PAM: variants seen among roughly 807,000 people sequenced by gnomAD.
PAM encodes the protein peptidylglycine alpha-amidating monooxygenase, also known as peptidyl-glycine alpha-amidating monooxygenase.
A neutral mutation model predicts 122.1 loss-of-function variants in PAM; 72 were observed. The observed-to-expected ratio is 0.59, with a 90% CI of 0.49 to 0.72. The LOEUF (loss-of-function observed/expected upper bound fraction) is 0.72, where lower values mean the gene tolerates loss of function less well. PAM is among the 30% of genes least tolerant of loss of function. The pLI is 0.00. For missense variants in PAM, 1,106 were observed against 1,183.7 expected, an observed-to-expected ratio of 0.93 and a Z score of 0.96; for synonymous variants, 389 against 404.4, an observed-to-expected ratio of 0.96 and a Z score of 0.46.
chr5:102,757,393 T>A (rs531929016), intron 1 of PAM, among the ~76,000 whole-genome samples: 1 of 152,292 alleles, frequency 6.6e-6, no homozygotes, highest in East Asian at 1.9e-4. Flanking sequence ...TTGGAAGAAA[T>A]AACAAGTTTG....
At chr5:103,004,691 T>C (rs1425140852) in intron 17 of PAM, among the ~76,000 whole-genome samples, 1 of 152,220 alleles carries the variant, frequency 6.6e-6, no homozygotes, top group Non-Finnish European at 1.5e-5. Flanking sequence ...CTGTCTTTAA[T>C]AGGCACTCTT....
Position 102,889,846 on chromosome 5 carries a change from C to T in PAM, c.211-11510C>T, listed in dbSNP as rs113172799. 4.9e-3 allele frequency among the ~76,000 whole-genome samples: 739 copies of T among 151,940 alleles called. 1 individual carries two copies. The highest frequency in any genetic ancestry group is 0.017 in the African/African-American group (701 of 41,504). On this transcript the variant is annotated intron_variant, in intron 3 of 25. Transcript: ENST00000438793. ...ACCAAGTCAGCACTTTGGTCTCTCC[C>T]GTCTCAGAATTCCTACTACTTTTTT... is the stretch of plus-strand genomic sequence containing the variant.
chr5:102,834,582 G>A (rs551902587), intron 1 of PAM, among the ~76,000 whole-genome samples: 25 of 152,298 alleles, frequency 1.6e-4, no homozygotes, highest in African/African-American at 5.5e-4. Context: ...TGAGGTCAAG[G>A]AAGATTCACT....
intron 1 of PAM, among the ~76,000 whole-genome samples, chr5:102,794,615 T>A (rs1283931488): frequency 1.3e-5 from 2 of 152,178 alleles, no homozygotes; most frequent in African/African-American, 4.8e-5. Flanking sequence ...TATGAAACAG[T>A]GATATTTATA....
intron 1 of PAM, among the ~76,000 whole-genome samples, chr5:102,857,264 G>A (rs1782882500): frequency 6.6e-6 from 1 of 152,162 alleles, no homozygotes; most frequent in Non-Finnish European, 1.5e-5. Flanking sequence ...GCGGATTGCT[G>A]GCCACGTCAA....
intron 15 of PAM, among the ~76,000 whole-genome samples, chr5:102,988,580 G>GA (rs907724474): frequency 1.6e-5 from 2 of 128,096 alleles, no homozygotes; most frequent in African/African-American, 2.9e-5. Flanking sequence ...AGATGCTTCA[G>GA]AAAAAAAAGA....
intron 1 of PAM, among the ~76,000 whole-genome samples, chr5:102,857,592 T>G (rs1782976601): frequency 6.6e-6 from 1 of 152,150 alleles, no homozygotes; most frequent in African/African-American, 2.4e-5. Context: ...GAAAAAAGAC[T>G]AGGTGCGTAG....
At chr5:102,888,932 C>A (rs1287236848) in intron 3 of PAM, among the ~76,000 whole-genome samples, 1 of 151,880 alleles carries the variant, frequency 6.6e-6, no homozygotes, top group East Asian at 1.9e-4. Flanking sequence ...AGAATGCAAA[C>A]ATTAACTAAA....
At chr5:102,867,025 G>A (rs1262237039) in intron 2 of PAM, among the ~76,000 whole-genome samples, 2 of 152,058 alleles carry the variant, frequency 1.3e-5, no homozygotes, top group Non-Finnish European at 2.9e-5. Flanking sequence ...ATTGAATGGA[G>A]TTTTAAATGT....
chr5:102,950,510 T>G, intron 11 of PAM, among the ~76,000 whole-genome samples: 1 of 151,622 alleles, frequency 6.6e-6, no homozygotes, highest in East Asian at 1.9e-4. Context: ...AAGCATGGGG[T>G]TCTGTGATAT....
intron 1 of PAM, among the ~76,000 whole-genome samples, chr5:102,784,003 T>TCTC (rs989180653): frequency 5.9e-5 from 9 of 151,938 alleles, no homozygotes; most frequent in African/African-American, 1.9e-4. Flanking sequence ...TTCACGCCAT[T>TCTC]CTGCCTCAGC....
intron 3 of PAM, among the ~76,000 whole-genome samples, chr5:102,881,952 T>A (rs1791270740): frequency 6.7e-6 from 1 of 149,808 alleles, no homozygotes; most frequent in African/African-American, 2.4e-5. Flanking sequence ...TTTCCATTCC[T>A]TAGTTACTTC....
chr5:102,927,095 A>C (rs1454101330), intron 7 of PAM, among the ~76,000 whole-genome samples: 1 of 151,728 alleles, frequency 6.6e-6, no homozygotes, highest in Non-Finnish European at 1.5e-5. Flanking sequence ...ACTCAGGCTC[A>C]TGTCGATTCC....
chr5:102,924,305 C>A (rs1748545327), intron 5 of PAM, among the ~76,000 whole-genome samples: 1 of 151,754 alleles, frequency 6.6e-6, no homozygotes, highest in Non-Finnish European at 1.5e-5. Flanking sequence ...TGGTGGTGGG[C>A]ACCTGTAATC....
At chr5:102,755,056 G>C (rs923577836), upstream of PAM, 1 of 152,298 alleles carries the variant, frequency 6.6e-6, no homozygotes, top group Admixed American at 6.5e-5. Flanking sequence ...CGCCCCCTGC[G>C]CCCAAAGAGG....
At chr5:102,881,141 C>T in intron 3 of PAM, among the ~76,000 whole-genome samples, 1 of 151,622 alleles carries the variant, frequency 6.6e-6, no homozygotes, top group South Asian at 2.1e-4. Context: ...CACACACACA[C>T]ACACACACAC....
At chr5:102,847,606 C>T (rs539821512) in intron 1 of PAM, among the ~76,000 whole-genome samples, 2 of 152,172 alleles carry the variant, frequency 1.3e-5, no homozygotes, top group Admixed American at 6.5e-5. Context: ...ATTTAAAATT[C>T]CTTGTGCTGT....
chr5:102,784,492 T>G (rs1759961210), intron 1 of PAM, among the ~76,000 whole-genome samples: 1 of 152,208 alleles, frequency 6.6e-6, no homozygotes, highest in African/African-American at 2.4e-5. Flanking sequence ...ATTACAAAAG[T>G]CACTAACGTT....
At chr5:102,902,625 A>T (rs1798314235) in intron 4 of PAM, among the ~76,000 whole-genome samples, 1 of 151,608 alleles carries the variant, frequency 6.6e-6, no homozygotes, top group African/African-American at 2.4e-5. Flanking sequence ...ATTCATAATT[A>T]AAATCCTAGC....
Sources: gnomAD v4.1 joint callset for allele counts (sites outside exome capture counted in the v4.1 genomes callset) on GRCh38, gnomAD v4.1.1 for gene constraint, MANE v1.5 for transcripts, NCBI Gene and HGNC (gene_info 2026-07-23, HGNC 2026-07-21) for gene names.